RETREG3: variants seen among roughly 807,000 people sequenced by gnomAD.
RETREG3 encodes reticulophagy regulator 3.
A neutral mutation model predicts 50.2 loss-of-function variants in RETREG3; 23 were observed. That is an observed-to-expected ratio of 0.46 (90% CI 0.33 to 0.65). The LOEUF is 0.65. RETREG3 is among the 30% of genes least tolerant of loss of function. RETREG3 has a pLI of 0.02. For synonymous variants in RETREG3, 240 were observed against 234.4 expected (o/e 1.02, Z -0.22); for missense variants, 546 against 598.0 (o/e 0.91, Z 0.91).
chr17:42,599,671 A>AG lies in RETREG3; in HGVS notation c.240-7510_240-7509insC, dbSNP rs398030880. 2.0e-5 allele frequency among the ~76,000 whole-genome samples: 3 copies of AG among 150,372 alleles called. No homozygotes were observed. In the East Asian group the frequency reaches 5.8e-4, roughly 29 times the overall value. The stretch of plus-strand genomic sequence containing the variant: ...TCCGTCTCAAAAAAAAAAAAAAAAA[A>AG]TTATACAACTAACATGAATTCATGT... On this transcript the variant is annotated intron_variant, in intron 1 of 8. Coordinates refer to ENST00000309428, the MANE Select transcript of RETREG3 (RefSeq NM_178126.4).
intron 1 of RETREG3, among the ~76,000 whole-genome samples, chr17:42,598,451 A>T (rs2093152382): frequency 6.6e-6 from 1 of 152,170 alleles, no homozygotes; most frequent in African/African-American, 2.4e-5. Context: ...CATCTGCAGG[A>T]TGAAATCCCA....
At chr17:42,584,293 G>A (rs1410772676) in intron 6 of RETREG3, among the ~76,000 whole-genome samples, 1 of 152,134 alleles carries the variant, frequency 6.6e-6, no homozygotes, top group African/African-American at 2.4e-5. Context: ...GCTGCCCCAA[G>A]GGGACTTGGG....
chr17:42,594,446 C>A (rs552690839), intron 1 of RETREG3, among the ~76,000 whole-genome samples: 2 of 152,068 alleles, frequency 1.3e-5, no homozygotes, highest in African/African-American at 4.8e-5. Context: ...CCCAGCTACT[C>A]GGGAGGGTGA....
At chr17:42,596,507 C>T (rs961295446) in intron 1 of RETREG3, 2 of 151,610 alleles carry the variant, frequency 1.3e-5, no homozygotes, top group African/African-American at 4.8e-5. Context: ...CAGAGGAATC[C>T]TCCCTTTTTT....
chr17:42,585,021 C>G lies in RETREG3; in HGVS notation c.727+104G>C. On this transcript the variant is annotated intron_variant, in intron 6 of 8. Transcript: ENST00000309428. ...ATCAATCCTCACCCCCACCAACTACCCCCGACTTCCACTTTTGAGGACCCA... is the reference window on the plus strand; with the variant it reads ...ATCAATCCTCACCCCCACCAACTACGCCCGACTTCCACTTTTGAGGACCCA... 4 of 1,424,714 alleles carry G rather than the reference C, an allele frequency of 2.8e-6. No individual in the cohort carries two copies. In the South Asian group the frequency reaches 3.8e-5, roughly 14 times the overall value. 88.3% of individuals were successfully genotyped at this position (1,424,714 alleles called of 1,614,324 possible).
At chr17:42,600,385 A>C (rs2143418180) in intron 1 of RETREG3, among the ~76,000 whole-genome samples, 1 of 152,182 alleles carries the variant, frequency 6.6e-6, no homozygotes, top group East Asian at 1.9e-4. Context: ...CTGTCTCGAA[A>C]AGAAAAAAAA....
chr17:42,582,301 G>T, intron 8 of RETREG3, 31 bp from the exon 9 acceptor site: 1 of 1,570,152 alleles, frequency 6.4e-7, no homozygotes, highest in African/African-American at 1.3e-5. Flanking sequence ...CTGAGTCATG[G>T]CACCTACCTG....
intron 2 of RETREG3, among the ~76,000 whole-genome samples, chr17:42,589,665 C>T (rs2093128666): frequency 6.6e-6 from 1 of 152,166 alleles, no homozygotes; most frequent in African/African-American, 2.4e-5. Flanking sequence ...AATTCCTTGG[C>T]TCAAGCAATT....
At chr17:42,582,602 T>C in intron 8 of RETREG3, 72 bp downstream of exon 8, 12 of 1,583,618 alleles carry the variant, frequency 7.6e-6, no homozygotes, top group Non-Finnish European at 1.0e-5. Context: ...AGCACCAGTA[T>C]CCCCTCTGTT....
At chr17:42,594,065 C>A (rs989317084) in intron 1 of RETREG3, among the ~76,000 whole-genome samples, 1 of 152,202 alleles carries the variant, frequency 6.6e-6, no homozygotes, top group African/African-American at 2.4e-5. Flanking sequence ...TGGTGGCGCG[C>A]TTGCGGTCCC....
rs1326299201 is a variant in RETREG3, at chr17:42,609,289, G to A, written c.36C>T (p.Gly12=). 21 of 1,602,942 alleles carry A rather than the reference G, an allele frequency of 1.3e-5. No homozygotes were observed. The highest frequency in any genetic ancestry group is 2.7e-5 in the African/African-American group (2 of 74,930). Residue 12 remains glycine, a synonymous_variant, in exon 1 of 9, where the codon GGC becomes GGT. Coordinates refer to ENST00000309428, the MANE Select transcript of RETREG3 (RefSeq NM_178126.4). ...AEAEGVPTTP[G]PASGSTFRGR... ...CCCTGAAAGTCGACCCCGAAGCCGGGCCTGGGGTCGTGGGAACCCCTTCGG... is the reference window on the plus strand; with the variant it reads ...CCCTGAAAGTCGACCCCGAAGCCGGACCTGGGGTCGTGGGAACCCCTTCGG...
At chr17:42,596,904 G>A (rs2093146318) in intron 1 of RETREG3, among the ~76,000 whole-genome samples, 1 of 149,550 alleles carries the variant, frequency 6.7e-6, no homozygotes. Flanking sequence ...TAAGAGTCTG[G>A]CTTTGTCACC....
intron 2 of RETREG3, among the ~76,000 whole-genome samples, chr17:42,591,191 C>T (rs1344656348): frequency 6.6e-6 from 1 of 152,186 alleles, no homozygotes; most frequent in African/African-American, 2.4e-5. Context: ...CTTTGTTCCA[C>T]TCTCAGGCTA....
At position 42,582,245 on chromosome 17, in the gene RETREG3, C is replaced by A. The variant is rs761771214; in HGVS notation, c.969G>T (p.Glu323Asp). The change falls in exon 9 of 9, where the codon GAG (glutamate) becomes GAT (aspartate). Residue 323 changes from glutamate to aspartate, a missense_variant. Transcript: ENST00000309428. ...SEDLDGHSDP[E>D]ESFARDLPDF... Reference sequence around the variant, plus strand: ...CTGGAAGGTCTCTGGCAAAGGATTCCTCTGGATCACTGTGACCATCTAGGT... The same window carrying A: ...CTGGAAGGTCTCTGGCAAAGGATTCATCTGGATCACTGTGACCATCTAGGT... 1.2e-6 allele frequency: 2 copies of A among 1,607,782 alleles called. No homozygotes were observed. Among genetic ancestry groups the A allele is most frequent in the South Asian group, 2.2e-5 (2 of 91,052 alleles).
chr17:42,589,536 G>A (rs2093128243), intron 2 of RETREG3, among the ~76,000 whole-genome samples: 1 of 152,120 alleles, frequency 6.6e-6, no homozygotes, highest in African/African-American at 2.4e-5. Flanking sequence ...GGGCTCAAGG[G>A]ATCTTCCCAC....
intron 1 of RETREG3, among the ~76,000 whole-genome samples, chr17:42,594,963 CTTTTTTTTTTT>C (rs777063995): frequency 8.0e-6 from 1 of 125,284 alleles, no homozygotes; most frequent in African/African-American, 3.0e-5. Context: ...TTTTTTTTTA[CTTTTTTTTTTT>C]TTTTTTTTTG....
chr17:42,608,460 C>A (rs2093172473), intron 1 of RETREG3, among the ~76,000 whole-genome samples: 1 of 152,206 alleles, frequency 6.6e-6, no homozygotes, highest in Non-Finnish European at 1.5e-5. Flanking sequence ...GGAGGAGTTA[C>A]AATCACAGGT....
chr17:42,582,338 A>G (rs1418193350), intron 8 of RETREG3, 68 bp from the exon 9 acceptor site: 3 of 1,468,078 alleles, frequency 2.0e-6, no homozygotes, highest in Admixed American at 2.1e-5. Flanking sequence ...GCCCCACATG[A>G]CCAGATTTTT....
At chr17:42,602,575 G>GCTGT (rs2093160648) in intron 1 of RETREG3, among the ~76,000 whole-genome samples, 1 of 152,112 alleles carries the variant, frequency 6.6e-6, no homozygotes, top group Admixed American at 6.6e-5. Context: ...TGCTAGAAAG[G>GCTGT]CTGTCCAATT....
Sources: allele counts gnomAD v4.1 joint callset (sites outside exome capture counted in the v4.1 genomes callset), GRCh38; gene constraint gnomAD v4.1.1; transcripts MANE v1.5; gene names NCBI Gene and HGNC (gene_info 2026-07-23, HGNC 2026-07-21).